SIK2: variants seen among roughly 807,000 people sequenced by gnomAD.
The protein encoded by SIK2 is salt inducible kinase 2, also known as serine/threonine-protein kinase SIK2.
Under a neutral mutation model 103.2 loss-of-function variants are expected in SIK2, and 29 were observed. That is an observed-to-expected ratio of 0.28 (90% CI 0.21 to 0.38). The LOEUF (loss-of-function observed/expected upper bound fraction) is 0.38, where lower values mean the gene tolerates loss of function less well. Ranked by LOEUF, SIK2 falls within the 10% of genes least tolerant of loss-of-function variation. The probability of loss-of-function intolerance (pLI) is 1.00; values close to 1 mark genes in which losing one functional copy is unlikely to be tolerated. For missense variants in SIK2, 879 were observed against 1,171.0 expected, an observed-to-expected ratio of 0.75 and a Z score of 3.64; for synonymous variants, 412 against 446.1, an observed-to-expected ratio of 0.92 and a Z score of 0.96.
chr11:111,622,431 A>G (rs915139179), intron 3 of SIK2, among the ~76,000 whole-genome samples: 1 of 151,038 alleles, frequency 6.6e-6, no homozygotes, highest in Non-Finnish European at 1.5e-5. Context: ...AATTTTTTGT[A>G]TTTTAGTAGA....
chr11:111,723,427 T>G, intron 14 of SIK2, 69 bp from the exon 15 acceptor site: 3 of 1,480,958 alleles, frequency 2.0e-6, no homozygotes. Flanking sequence ...TGACTGGTAT[T>G]GCATTTACAT....
chr11:111,700,569 A>G (rs899032935), intron 4 of SIK2, among the ~76,000 whole-genome samples: 1 of 152,226 alleles, frequency 6.6e-6, no homozygotes, highest in Non-Finnish European at 1.5e-5. Flanking sequence ...TTCTAAGATT[A>G]TCAAATACTA....
intron 1 of SIK2, among the ~76,000 whole-genome samples, chr11:111,612,379 G>T (rs902314277): frequency 2.6e-5 from 4 of 152,156 alleles, no homozygotes; most frequent in African/African-American, 9.7e-5. Flanking sequence ...CATATTTCTG[G>T]GAAGTACTTG....
chr11:111,701,045 C>T lies in SIK2; in HGVS notation c.603+35C>T. ...TGCTTTGCTGTGTTGTTAAATGCAT[C>T]TATACTGATAATACTTGGTGTTCTG... On this transcript the variant is annotated intron_variant, in intron 5 of 14. Transcript: ENST00000304987. This position sits in a 1 kb window ranked among gnomAD's most constrained non-coding sequence, Gnocchi z 4.2. The T allele has an allele frequency of 6.2e-7, 1 of 1,601,086 alleles. No individual in the cohort carries two copies.
rs1942861288 is a variant in SIK2 at position 111,687,502 on chromosome 11, A to G, written c.317-499A>G. Among the ~76,000 whole-genome samples the G allele has an allele frequency of 1.0e-4, 14 of 137,028 alleles. No individual in the cohort carries two copies. The South Asian group carries it at 3.4e-3, about 33-fold the overall frequency. 89.9% of individuals were successfully genotyped at this position (137,028 alleles called of 152,430 possible). A position where few individuals can be genotyped will look rare whatever the true frequency, so the allele number is the denominator to read the frequency against. On this transcript the variant is annotated intron_variant, in intron 3 of 14. Transcript: ENST00000304987. ...TACACTCCAGCCTGGGCAACAGAGC[A>G]AGACTCCATCTCAAAAAAAAAAAAA...
chr11:111,723,896 G>A lies in SIK2; in HGVS notation c.2548G>A (p.Glu850Lys), dbSNP rs374141003. 1.9e-6 allele frequency: 3 copies of A among 1,613,302 alleles called. No homozygotes were observed. Among genetic ancestry groups the A allele is most frequent in the Middle Eastern group, 1.6e-4 (1 of 6,062 alleles). The change falls in exon 15 of 15, where the codon GAG (glutamate) becomes AAG (lysine). Residue 850 changes from glutamate to lysine, a missense_variant. Glu to Lys is a moderately conservative substitution (Grantham distance 56, BLOSUM62 1). Around this residue, in one of 7 missense-constraint regions of SIK2, gnomAD observed 375 missense variants for 416.3 expected, o/e 0.90. Coordinates refer to ENST00000304987, the MANE Select transcript of SIK2 (RefSeq NM_015191.3). ...CTTACAGTTCTCCTATCAGACTTGT[G>A]AGCTGCCAAGCGCTGCTTCCCCTGC... ...APLQFSYQTCELPSAASPAPD... is the reference protein window; with the variant it reads ...APLQFSYQTCKLPSAASPAPD...
Position 111,615,458 on chromosome 11 carries a change from C to T in SIK2, c.136-785C>T, listed in dbSNP as rs1941793007. On this transcript the variant is annotated intron_variant, in intron 1 of 14. Transcript: ENST00000304987. ...TGAAAAATTTATTTAAATCAGAATG[C>T]TTTATTTTCCAACCAAATATCTACT... 2.6e-5 allele frequency among the ~76,000 whole-genome samples: 4 copies of T among 152,068 alleles called. No homozygotes were observed. The South Asian group carries it at 8.3e-4, about 32-fold the overall frequency.
chr11:111,640,890 A>C (rs1174018341), intron 3 of SIK2, among the ~76,000 whole-genome samples: 1 of 151,492 alleles, frequency 6.6e-6, no homozygotes, highest in Non-Finnish European at 1.5e-5. Context: ...CCCCGCTACC[A>C]CCCTCGGCTA....
intron 3 of SIK2, among the ~76,000 whole-genome samples, chr11:111,629,735 A>T (rs527334866): frequency 6.6e-6 from 1 of 152,350 alleles, no homozygotes; most frequent in East Asian, 1.9e-4. Context: ...GTTTTTAGTC[A>T]TCAGAGAAAT....
rs1026320497 is a variant in SIK2, at chr11:111,655,960, A to C, written c.317-32041A>C. Among the ~76,000 whole-genome samples the C allele has an allele frequency of 4.7e-5, 7 of 150,220 alleles. No homozygotes were observed. The East Asian group carries it at 5.9e-4, about 13-fold the overall frequency. Reference sequence around the variant, plus strand: ...CACTTTGGGAGGCCAAGGCAGGAGGATTGCTTAAGCTTAGGAGTTCGAGAC... The same window carrying C: ...CACTTTGGGAGGCCAAGGCAGGAGGCTTGCTTAAGCTTAGGAGTTCGAGAC... On this transcript the variant is annotated intron_variant, in intron 3 of 14. Transcript: ENST00000304987.
At chr11:111,661,506 A>C (rs1422045994) in intron 3 of SIK2, among the ~76,000 whole-genome samples, 1 of 152,254 alleles carries the variant, frequency 6.6e-6, no homozygotes, top group Non-Finnish European at 1.5e-5. Flanking sequence ...CAGCTCCTTT[A>C]AAAAGGATTC....
Position 111,722,498 on chromosome 11 carries a change from G to A in SIK2, c.2056-167G>A, listed in dbSNP as rs774860092. ...GAGGTCAGAGATGGCCCAGGCCTGC[G>A]GGCCCGATGCTCTTTCAGGGTCTCA... On this transcript the variant is annotated intron_variant, in intron 13 of 14. Transcript: ENST00000304987. This position sits in a 1 kb window ranked among gnomAD's most constrained non-coding sequence, Gnocchi z 4.4. Among the ~76,000 whole-genome samples, 3 of 152,352 alleles carry A rather than the reference G, an allele frequency of 2.0e-5. No homozygotes were observed. The highest frequency in any genetic ancestry group is 2.1e-4 in the South Asian group (1 of 4,826).
Position 111,660,717 on chromosome 11 carries a change from A to G in SIK2, c.317-27284A>G, listed in dbSNP as rs896430246. Among the ~76,000 whole-genome samples, 3 of 152,292 alleles carry G rather than the reference A, an allele frequency of 2.0e-5. No homozygotes were observed. The East Asian group carries it at 5.8e-4, about 29-fold the overall frequency. Reference sequence around the variant, plus strand: ...ACATGAAATTTTTACAAAGTTTGGAATATCTTTTAGGGAAAAGTTGCTTGG... The same window carrying G: ...ACATGAAATTTTTACAAAGTTTGGAGTATCTTTTAGGGAAAAGTTGCTTGG... On this transcript the variant is annotated intron_variant, in intron 3 of 14. Coordinates refer to ENST00000304987, the MANE Select transcript of SIK2 (RefSeq NM_015191.3).
chr11:111,707,496 A>G (rs1243916619), intron 8 of SIK2, among the ~76,000 whole-genome samples: 1 of 152,226 alleles, frequency 6.6e-6, no homozygotes, highest in Non-Finnish European at 1.5e-5. Flanking sequence ...GAACCTGCTT[A>G]GTGTAACTGA....
chr11:111,666,398 G>A (rs776299626), intron 3 of SIK2, among the ~76,000 whole-genome samples: 2 of 151,906 alleles, frequency 1.3e-5, no homozygotes, highest in African/African-American at 2.4e-5. Context: ...TACCCTTGTC[G>A]TTTTCTGGTA....
At chr11:111,697,957 C>T (rs7121011) in intron 4 of SIK2, among the ~76,000 whole-genome samples, 36,250 of 152,098 alleles carry the variant, frequency 0.24, 4,582 homozygotes, top group Middle Eastern at 0.31. Context: ...CTACAATGAG[C>T]TGTGATTCAC....
intron 6 of SIK2, among the ~76,000 whole-genome samples, chr11:111,702,421 C>CA (rs1398271132): frequency 6.6e-6 from 1 of 152,048 alleles, no homozygotes; most frequent in African/African-American, 2.4e-5. Flanking sequence ...CCTGTCTCTA[C>CA]AAAAAAGTTT....
chr11:111,641,658 G>A (rs1012425797), intron 3 of SIK2, among the ~76,000 whole-genome samples: 7 of 152,058 alleles, frequency 4.6e-5, no homozygotes, highest in Non-Finnish European at 8.8e-5. Flanking sequence ...TCCCTTATCA[G>A]TCTTTCCTGT....
chr11:111,643,795 A>C (rs1157197930), intron 3 of SIK2, among the ~76,000 whole-genome samples: 1 of 140,946 alleles, frequency 7.1e-6, no homozygotes, highest in Non-Finnish European at 1.6e-5. Context: ...CCTGGGTGAC[A>C]AAAAAAAAAA....
Sources: gnomAD v4.1 joint callset for allele counts (sites outside exome capture counted in the v4.1 genomes callset) on GRCh38, gnomAD v4.1.1 for gene constraint, gnomAD v4.1.1 regional missense constraint, Gnocchi (gnomAD v3.1) non-coding constraint, MANE v1.5 for transcripts, NCBI Gene and HGNC (gene_info 2026-07-23, HGNC 2026-07-21) for gene names.